Variants in SMOC2 observed in about 807,000 individuals in gnomAD.
The protein encoded by SMOC2 is SPARC-related modular calcium-binding protein 2.
A neutral mutation model predicts 61.4 loss-of-function variants in SMOC2; 39 were observed. The observed-to-expected ratio is 0.64, with a 90% confidence interval of 0.49 to 0.83. The LOEUF (loss-of-function observed/expected upper bound fraction) is 0.83, where lower values mean the gene tolerates loss of function less well. Ranked by LOEUF, SMOC2 falls within the 40% of genes least tolerant of loss-of-function variation. SMOC2 has a pLI of 0.00. For missense variants in SMOC2, 556 were observed against 592.9 expected (o/e 0.94, Z 0.65); for synonymous variants, 247 against 239.9 (o/e 1.03, Z -0.27).
chr6:168,583,543 G>A (rs559671174), intron 7 of SMOC2, among the ~76,000 whole-genome samples: 32 of 152,052 alleles, frequency 2.1e-4, no homozygotes, highest in African/African-American at 7.0e-4. Flanking sequence ...GACTACAGGG[G>A]TGTGGGTCTG....
At chr6:168,488,946 A>G (rs1471755166) in intron 1 of SMOC2, among the ~76,000 whole-genome samples, 4 of 151,108 alleles carry the variant, frequency 2.6e-5, no homozygotes, top group African/African-American at 7.3e-5. Context: ...CCCTTGCATC[A>G]CACTGTTTTA....
chr6:168,603,205 G>A (rs1785600202), intron 8 of SMOC2, among the ~76,000 whole-genome samples: 1 of 150,520 alleles, frequency 6.6e-6, no homozygotes, highest in Non-Finnish European at 1.5e-5. Context: ...TTTTCCTGAG[G>A]CCTCCCCAAC....
chr6:168,520,838 T>C (rs1327942516), intron 2 of SMOC2, among the ~76,000 whole-genome samples: 2 of 152,216 alleles, frequency 1.3e-5, no homozygotes, highest in Non-Finnish European at 2.9e-5. Context: ...AGAGAGGAAC[T>C]CTCTGGGCTT....
In SMOC2 at chr6:168,509,826, C is replaced by T. The variant is rs984341415; in HGVS notation, c.85-89C>T. The stretch of plus-strand genomic sequence containing the variant: ...ATCCCTCAAGCTTTCATTCCCTGAC[C>T]GTGAAGTGGCCTGAGGCAGCCTTCT... On this transcript the variant is annotated intron_variant, in intron 1 of 12. Coordinates refer to ENST00000356284, the MANE Select transcript of SMOC2 (RefSeq NM_001166412.2). 80 of 1,332,976 alleles carry T rather than the reference C, an allele frequency of 6.0e-5. 1 individual carries two copies. The highest frequency in any genetic ancestry group is 3.6e-4 in the South Asian group (22 of 61,628). The allele number at this position is 1,332,976 out of a possible 1,614,324, so 82.6% of individuals were successfully genotyped here.
intron 7 of SMOC2, among the ~76,000 whole-genome samples, chr6:168,586,076 T>G (rs1396110437): frequency 6.6e-6 from 1 of 152,190 alleles, no homozygotes; most frequent in Non-Finnish European, 1.5e-5. Flanking sequence ...ACCCAATATC[T>G]CAATAATAGT....
chr6:168,536,913 T>C (rs1783745045), intron 4 of SMOC2, among the ~76,000 whole-genome samples: 1 of 152,138 alleles, frequency 6.6e-6, no homozygotes, highest in South Asian at 2.1e-4. Context: ...GGACAGGTGT[T>C]GTGTGTGTCT....
chr6:168,541,417 A>C (rs1350686954), intron 4 of SMOC2, among the ~76,000 whole-genome samples: 2 of 152,194 alleles, frequency 1.3e-5, no homozygotes, highest in Non-Finnish European at 2.9e-5. Flanking sequence ...ACAGCCGGCA[A>C]TCTTGCTTGT....
rs184588334 is a variant in SMOC2, at chr6:168,519,080, C to T, written c.257-7266C>T. On this transcript the variant is annotated intron_variant, in intron 2 of 12. Coordinates refer to ENST00000356284, the MANE Select transcript of SMOC2 (RefSeq NM_001166412.2). ...GCATATGTGTGTGAGTGTATGTATG[C>T]GTGCATGTGTGAACATGCGTGTGTG... Among the ~76,000 whole-genome samples, 749 of 127,060 alleles carry T rather than the reference C, an allele frequency of 5.9e-3. 5 individuals are homozygous for T. The highest frequency in any genetic ancestry group is 0.021 in the African/African-American group (683 of 33,294). The allele number at this position is 127,060 out of a possible 152,430, so 83.4% of individuals were successfully genotyped here.
chr6:168,601,103 C>T (rs1228832109), intron 8 of SMOC2, among the ~76,000 whole-genome samples: 3 of 152,242 alleles, frequency 2.0e-5, no homozygotes, highest in African/African-American at 4.8e-5. Flanking sequence ...AGCATTTGGA[C>T]GCTTCCTAAA....
intron 9 of SMOC2, among the ~76,000 whole-genome samples, chr6:168,628,232 A>G (rs1385844818): frequency 6.6e-6 from 1 of 152,224 alleles, no homozygotes; most frequent in African/African-American, 2.4e-5. Flanking sequence ...TGACAAAACA[A>G]AGGGCCTCGT....
chr6:168,663,149 G>T (rs1213635785), intron 11 of SMOC2, among the ~76,000 whole-genome samples: 1 of 152,104 alleles, frequency 6.6e-6, no homozygotes, highest in Non-Finnish European at 1.5e-5. Flanking sequence ...CCAGTGAGTG[G>T]GTGAAGATAG....
chr6:168,653,202 G>A lies in SMOC2; in HGVS notation c.1259G>A (p.Gly420Asp). ...TGCCTGGGCGTGGCGAAAGAGGACG[G>A]CAAAGCGGACACCAAGAAACGCCAC... Reference protein sequence around the residue: ...MGCLGVAKEDGKADTKKRHTP... With the variant: ...MGCLGVAKEDDKADTKKRHTP... The change falls in exon 11 of 13, where the codon GGC (glycine) becomes GAC (aspartate). Residue 420 changes from glycine to aspartate, a missense_variant. Physicochemically the swap from Gly to Asp is moderately conservative, Grantham distance 94. Coordinates refer to ENST00000356284, the MANE Select transcript of SMOC2 (RefSeq NM_001166412.2). The A allele has an allele frequency of 1.2e-6, 2 of 1,613,678 alleles. No individual in the cohort carries two copies. Among genetic ancestry groups the A allele is most frequent in the South Asian group, 2.2e-5 (2 of 91,052 alleles).
chr6:168,480,010 C>G (rs1005277168), intron 1 of SMOC2, among the ~76,000 whole-genome samples: 1 of 152,124 alleles, frequency 6.6e-6, no homozygotes, highest in Non-Finnish European at 1.5e-5. Context: ...GGTGCAGGCT[C>G]AGAAAAGACC....
intron 7 of SMOC2, among the ~76,000 whole-genome samples, chr6:168,585,496 T>C (rs993288962): frequency 6.6e-6 from 1 of 152,262 alleles, no homozygotes; most frequent in Non-Finnish European, 1.5e-5. Flanking sequence ...TTGGGGCTAC[T>C]ACAAATAAAG....
chr6:168,476,096 T>C (rs1449726035), intron 1 of SMOC2, among the ~76,000 whole-genome samples: 2 of 152,168 alleles, frequency 1.3e-5, no homozygotes, highest in Non-Finnish European at 2.9e-5. Context: ...CAGGATTTAA[T>C]ATATTGATTT....
intron 10 of SMOC2, among the ~76,000 whole-genome samples, chr6:168,652,501 C>T (rs1787220882): frequency 6.6e-6 from 1 of 152,122 alleles, no homozygotes; most frequent in South Asian, 2.1e-4. Flanking sequence ...TAACATAATC[C>T]AAGGAAAAAT....
At chr6:168,595,555 G>A (rs1046196217) in intron 7 of SMOC2, among the ~76,000 whole-genome samples, 1 of 152,244 alleles carries the variant, frequency 6.6e-6, no homozygotes, top group African/African-American at 2.4e-5. Context: ...TCTTCCCAGG[G>A]GCCGTCATCA....
chr6:168,518,507 GT>G (rs1374466605), intron 2 of SMOC2, among the ~76,000 whole-genome samples: 1 of 145,730 alleles, frequency 6.9e-6, no homozygotes, highest in Non-Finnish European at 1.5e-5. Context: ...ATGTGTGAAT[GT>G]GTGTAAATGT....
intron 1 of SMOC2, among the ~76,000 whole-genome samples, chr6:168,460,362 A>G (rs1019934640): frequency 6.6e-6 from 1 of 152,234 alleles, no homozygotes; most frequent in Non-Finnish European, 1.5e-5. Flanking sequence ...CCACAGTGGT[A>G]CTACCCAACA....
Sources: allele counts gnomAD v4.1 joint callset (sites outside exome capture counted in the v4.1 genomes callset), GRCh38; gene constraint gnomAD v4.1.1; transcripts MANE v1.5; gene names NCBI Gene and HGNC (gene_info 2026-07-23, HGNC 2026-07-21).